Variants in LAIR1 observed in about 807,000 individuals in gnomAD.
LAIR1 encodes the protein leukocyte associated immunoglobulin like receptor 1.
In LAIR1, 24 loss-of-function variants were observed where a neutral mutation model predicts 32.8. The observed-to-expected ratio is 0.73, with a 90% CI of 0.53 to 1.03. LAIR1 has a LOEUF of 1.03. LAIR1 is among the 50% of genes least tolerant of loss of function. LAIR1 has a pLI of 0.00. For synonymous variants in LAIR1, 150 were observed against 140.5 expected, an observed-to-expected ratio of 1.07 and a Z score of -0.48; for missense variants, 355 against 347.5, an observed-to-expected ratio of 1.02 and a Z score of -0.17.
chr19:54,356,831 G>C, intron 5 of LAIR1, 97 bp downstream of exon 5: 1 of 1,469,416 alleles, frequency 6.8e-7, no homozygotes. Flanking sequence ...GACTGCCATT[G>C]GCAGAGCAGG....
At chr19:54,373,293 AG>A (rs2082450278), upstream of LAIR1, among the ~76,000 whole-genome samples, 1 of 150,494 alleles carries the variant, frequency 6.6e-6, no homozygotes, top group Non-Finnish European at 1.5e-5. Context: ...AAATACAAAA[AG>A]TTAGCTGGGC....
Position 54,356,498 on chromosome 19 carries a change from T to C in LAIR1, c.576A>G (p.Ile192Met). 6.2e-7 allele frequency: 1 copy of C among 1,613,948 alleles called. No homozygotes were observed. Among genetic ancestry groups the C allele is most frequent in the East Asian group, 2.2e-5 (1 of 44,862 alleles). The change falls in exon 6 of 10, where the codon ATA becomes ATG. Residue 192 changes from isoleucine to methionine, a missense_variant. Physicochemically the swap from Ile to Met is conservative, Grantham distance 10 (BLOSUM62 1). Transcript: ENST00000391742. ...VLFCLHRQNQ[I>M]KQGPPRSKDE... The stretch of plus-strand genomic sequence containing the variant: ...CCTGCCCCTGAGACCTACCCTGCTT[T>C]ATCTGATTCTGGCGATGGAGGCAGA...
rs144745396 is a variant in LAIR1, at chr19:54,354,986, T to C, written c.*282A>G. The C allele has an allele frequency of 3.5e-4, 126 of 363,340 alleles. 3 individuals are homozygous for C. The East Asian group carries it at 3.8e-3, about 11-fold the overall frequency. The allele number at this position is 363,340 out of a possible 1,614,324, so 22.5% of individuals were successfully genotyped here. A position where few individuals can be genotyped will look rare whatever the true frequency, so the allele number is the denominator to read the frequency against. ...CTGGAAACAGTCAGGTGAATAAAGC[T>C]GGGTCTCTAGAAACAGCCAGGGAAC... is the stretch of plus-strand genomic sequence containing the variant. On this transcript the variant is annotated 3_prime_UTR_variant, in exon 10 of 10. Transcript: ENST00000391742.
Position 54,361,031 on chromosome 19 carries a change from C to A in LAIR1, c.249G>T (p.Glu83Asp), listed in dbSNP as rs1184857873. The A allele has an allele frequency of 1.2e-6, 2 of 1,614,214 alleles. No individual in the cohort carries two copies. The highest frequency in any genetic ancestry group is 4.5e-5 in the East Asian group (2 of 44,886). ...DVSQASPSESEARFRIDSVRE... is the reference protein window; with the variant it reads ...DVSQASPSESDARFRIDSVRE... Reference sequence around the variant, plus strand: ...TTACTGAGTCAATGCGGAATCTGGCCTCTGACTCAGATGGACTAGCTTGAG... The same window carrying A: ...TTACTGAGTCAATGCGGAATCTGGCATCTGACTCAGATGGACTAGCTTGAG... Residue 83 changes from glutamate (E) to aspartate (D), a missense_variant, in exon 3 of 10, where the codon GAG becomes GAT. Glu to Asp is a conservative substitution (Grantham distance 45). Coordinates refer to ENST00000391742, the MANE Select transcript of LAIR1 (RefSeq NM_002287.6).
chr19:54,356,944 G>T lies in LAIR1; in HGVS notation c.438C>A (p.Asp146Glu). The T allele has an allele frequency of 3.1e-6, 5 of 1,613,936 alleles. No individual in the cohort carries two copies. The highest frequency in any genetic ancestry group is 4.2e-6 in the Non-Finnish European group (5 of 1,179,948). ...ATCACTCACGCTCATTGTGACTGTT[G>T]TCCGACGGCCTCTGCGTGGGTCCTG... is the stretch of plus-strand genomic sequence containing the variant. ...SSAGPTQRPS[D>E]NSHNEHAPAS... The change falls in exon 5 of 10, where the codon GAC becomes GAA. Residue 146 changes from aspartate to glutamate, a missense_variant. Asp to Glu is a conservative substitution (Grantham distance 45). Transcript: ENST00000391742.
At chr19:54,370,745 C>CT (rs888378247), upstream of LAIR1, among the ~76,000 whole-genome samples, 1,217 of 145,874 alleles carry the variant, frequency 8.3e-3, 37 homozygotes, top group Admixed American at 0.027. Flanking sequence ...CCAAACGTTA[C>CT]TTTTTTTTTT....
intron 2 of LAIR1, 161 bp from the exon 3 acceptor site, chr19:54,361,370 T>A: frequency 1.4e-6 from 1 of 725,340 alleles, no homozygotes; most frequent in Non-Finnish European, 2.4e-6. Flanking sequence ...TCCTGCACCT[T>A]CTACGTGCAT....
rs564891729 is a variant in LAIR1 at position 54,364,273 on chromosome 19, A to G, written c.70+22T>C. 9 of 1,608,330 alleles carry G rather than the reference A, an allele frequency of 5.6e-6. No individual in the cohort carries two copies. Among genetic ancestry groups the G allele is most frequent in the African/African-American group, 1.3e-5 (1 of 74,758 alleles). The stretch of plus-strand genomic sequence containing the variant: ...TGGGGTGACAGAGGGGACTGGGAAG[A>G]TGGGACGAAGGCATGACTTACCCTC... On this transcript the variant is annotated intron_variant, in intron 2 of 9. Transcript: ENST00000391742. The surrounding 1 kb of genome is among the most constrained non-coding windows in gnomAD (Gnocchi z 4.8).
Position 54,355,256 on chromosome 19 carries a change from G to A in LAIR1, c.*12C>T. The A allele has an allele frequency of 1.9e-6, 3 of 1,586,954 alleles. No individual in the cohort carries two copies. The highest frequency in any genetic ancestry group is 2.3e-5 in the South Asian group (2 of 87,762). ...TTCTACCCTCAGGTGCAGAGGCCAG[G>A]TGGGTATGGGGTCAGTGTCTGGCAA... On this transcript the variant is annotated 3_prime_UTR_variant, in exon 10 of 10. Coordinates refer to ENST00000391742, the MANE Select transcript of LAIR1 (RefSeq NM_002287.6). This position sits in a 1 kb window ranked among gnomAD's most constrained non-coding sequence, Gnocchi z 4.7.
Position 54,370,378 on chromosome 19 carries a change from G to C in LAIR1, c.-101C>G, listed in dbSNP as rs2082375145. The C allele has an allele frequency of 5.3e-6, 5 of 950,182 alleles. No individual in the cohort carries two copies. The Admixed American group carries it at 1.2e-4, about 23-fold the overall frequency. 58.9% of individuals were successfully genotyped at this position (950,182 alleles called of 1,614,324 possible). A position where few individuals can be genotyped will look rare whatever the true frequency, so the allele number is the denominator to read the frequency against. ...TGGCTTTGTCCTGAATATTAGCCTTGGCAGCCTGGCCTGGGCTCCGATGGT... is the reference window on the plus strand; with the variant it reads ...TGGCTTTGTCCTGAATATTAGCCTTCGCAGCCTGGCCTGGGCTCCGATGGT... On this transcript the variant is annotated 5_prime_UTR_variant, in exon 1 of 9. Coordinates refer to the LAIR1 transcript ENST00000391743.
rs1466243827 is a variant in LAIR1, at chr19:54,364,696, G to C, written c.34+75C>G. 1.1e-5 allele frequency: 14 copies of C among 1,255,924 alleles called. No homozygotes were observed. In the African/African-American group the frequency reaches 1.5e-4, roughly 13 times the overall value. 77.8% of individuals were successfully genotyped at this position (1,255,924 alleles called of 1,614,324 possible). On this transcript the variant is annotated intron_variant, in intron 1 of 9. Coordinates refer to ENST00000391742, the MANE Select transcript of LAIR1 (RefSeq NM_002287.6). This position sits in a 1 kb window ranked among gnomAD's most constrained non-coding sequence, Gnocchi z 4.8. Reference sequence around the variant, plus strand: ...TTCCTCCCCAGAATCTTCTGGACTAGAGTCAGGCTTGAGCAGGGAATTTTC... The same window carrying C: ...TTCCTCCCCAGAATCTTCTGGACTACAGTCAGGCTTGAGCAGGGAATTTTC...
chr19:54,373,280 A>G (rs1269697804), upstream of LAIR1, among the ~76,000 whole-genome samples: 2 of 150,758 alleles, frequency 1.3e-5, no homozygotes, highest in Non-Finnish European at 2.9e-5. Flanking sequence ...ATCTCTACTA[A>G]AAAAATACAA....
intron 4 of LAIR1, 194 bp from the exon 5 acceptor site, chr19:54,357,160 G>A (rs1172792337): frequency 1.7e-6 from 1 of 585,904 alleles, no homozygotes; most frequent in Admixed American, 3.0e-5. Context: ...CAGCATGAGA[G>A]TCACACATAG....
rs1450802043 is a variant in LAIR1 at position 54,364,215 on chromosome 19, A to G, written c.70+80T>C. The G allele has an allele frequency of 5.3e-5, 79 of 1,483,290 alleles. 1 individual carries two copies. Among genetic ancestry groups the G allele is most frequent in the Non-Finnish European group, 7.2e-5 (77 of 1,065,336 alleles). 91.9% of individuals were successfully genotyped at this position (1,483,290 alleles called of 1,614,324 possible). ...TAAAGGGATCTCTCCAGGCCCTCTA[A>G]GAATCAACATCACTCCCACCCAGCA... On this transcript the variant is annotated intron_variant, in intron 2 of 9. Transcript: ENST00000391742. This position sits in a 1 kb window ranked among gnomAD's most constrained non-coding sequence, Gnocchi z 4.8.
At chr19:54,373,829 A>C (rs1293170915), upstream of LAIR1, among the ~76,000 whole-genome samples, 1 of 152,222 alleles carries the variant, frequency 6.6e-6, no homozygotes, top group Non-Finnish European at 1.5e-5. Flanking sequence ...ACTCAGGGAC[A>C]CCCGCTTCCT....
upstream of LAIR1, among the ~76,000 whole-genome samples, chr19:54,365,928 G>A (rs1000146034): frequency 1.3e-5 from 2 of 152,172 alleles, no homozygotes; most frequent in African/African-American, 2.4e-5. Flanking sequence ...ACACACAGGG[G>A]AATACTATTC....
intron 2 of LAIR1, among the ~76,000 whole-genome samples, chr19:54,362,399 C>T (rs1373021243): frequency 6.6e-6 from 1 of 152,158 alleles, no homozygotes; most frequent in Non-Finnish European, 1.5e-5. Context: ...CTGCTAATTC[C>T]ACAAATGTGA....
chr19:54,374,580 G>A (rs892270116), upstream of LAIR1, among the ~76,000 whole-genome samples: 9 of 152,176 alleles, frequency 5.9e-5, no homozygotes, highest in Non-Finnish European at 1.0e-4. Context: ...GTCCTGAGTC[G>A]TTTGCTGTTG....
Position 54,353,369 on chromosome 19 carries a change from A to G in LAIR1, c.*1899T>C, listed in dbSNP as rs2081573163. The G allele has an allele frequency of 6.6e-6, 1 of 152,224 alleles. No homozygotes were observed. The allele number at this position is 152,224 out of a possible 1,614,324, so 9.4% of individuals were successfully genotyped here. ...TCCCAGGAGGAAATTAAACCTGAGC[A>G]CAAATAGAAAATTAAAGCTCAGTAC... On this transcript the variant is annotated 3_prime_UTR_variant, in exon 10 of 10. Transcript: ENST00000391742.
Sources: allele counts gnomAD v4.1 joint callset (sites outside exome capture counted in the v4.1 genomes callset), GRCh38; gene constraint gnomAD v4.1.1; non-coding constraint Gnocchi (gnomAD v3.1); transcripts MANE v1.5; gene names NCBI Gene and HGNC (gene_info 2026-07-23, HGNC 2026-07-21).